The following KAT5 variants were observed in gnomAD, a reference collection of about 807,000 sequenced individuals.
KAT5 encodes the protein histone acetyltransferase KAT5.
A neutral mutation model predicts 68.1 loss-of-function variants in KAT5; 31 were observed. The ratio of observed to expected loss-of-function variants is 0.46; its 90% CI spans 0.34 to 0.61. KAT5 has a LOEUF of 0.61. Ranked by LOEUF, KAT5 falls within the 20% of genes least tolerant of loss-of-function variation. KAT5 has a pLI of 0.01. For missense variants in KAT5, 451 were observed against 725.5 expected, an observed-to-expected ratio of 0.62 and a Z score of 4.35; for synonymous variants, 365 against 292.6, an observed-to-expected ratio of 1.25 and a Z score of -2.52.
chr11:65,719,267 A>C lies in KAT5; in HGVS notation c.*86A>C, dbSNP rs1001622169. ...GCCCCCACTGCAGCTCCCACAAAGC[A>C]CTCTAAGGGAGATGGGGCTGAGGAC... On this transcript the variant is annotated 3_prime_UTR_variant, in exon 13 of 13. Coordinates refer to ENST00000341318, the MANE Select transcript of KAT5 (RefSeq NM_182710.3). 27 of 1,477,468 alleles carry C rather than the reference A, an allele frequency of 1.8e-5. No individual in the cohort carries two copies. The highest frequency in any genetic ancestry group is 2.0e-4 in the Middle Eastern group (1 of 4,964). The allele number at this position is 1,477,468 out of a possible 1,614,324, so 91.5% of individuals were successfully genotyped here.
chr11:65,717,411 C>T (rs552603017), intron 10 of KAT5: 37 of 264,214 alleles, frequency 1.4e-4, no homozygotes, highest in Admixed American at 2.0e-4. Context: ...AGCAGATAGA[C>T]ATAAGCATGT....
Position 65,717,411 on chromosome 11 carries a change from C to G in KAT5, c.1264+429C>G, listed in dbSNP as rs552603017. On this transcript the variant is annotated intron_variant, in intron 10 of 12. Coordinates refer to ENST00000341318, the MANE Select transcript of KAT5 (RefSeq NM_182710.3). ...ATCCAAAATGCTGTCAGCAGATAGA[C>G]ATAAGCATGTTGTCCCTCGCTCCTT... 6.4e-4 allele frequency: 170 copies of G among 264,332 alleles called. 1 individual carries two copies. The South Asian group carries it at 7.7e-3, about 12-fold the overall frequency. The allele number at this position is 264,332 out of a possible 1,614,324, so 16.4% of individuals were successfully genotyped here.
Position 65,713,027 on chromosome 11 carries a change from G to C in KAT5, c.353G>C (p.Gly118Ala). ...ACCCCCACTAAGAACGGACTTCCTG[G>C]GTCCCGTCCTGGCTCTCCAGAGAGA... ...AKTPTKNGLP[G>A]SRPGSPEREV... Residue 118 changes from glycine to alanine, a missense_variant, in exon 3 of 13, where the codon GGG becomes GCG. Gly to Ala is a moderately conservative substitution (Grantham distance 60). Coordinates refer to ENST00000341318, the MANE Select transcript of KAT5 (RefSeq NM_182710.3). 1 of 1,613,496 alleles carries C rather than the reference G, an allele frequency of 6.2e-7. No homozygotes were observed. The highest frequency in any genetic ancestry group is 8.5e-7 in the Non-Finnish European group (1 of 1,180,004).
chr11:65,712,748 T>C lies in KAT5; in HGVS notation c.179-18T>C. 5 of 1,613,690 alleles carry C rather than the reference T, an allele frequency of 3.1e-6. No individual in the cohort carries two copies. The highest frequency in any genetic ancestry group is 4.2e-6 in the Non-Finnish European group (5 of 1,179,684). The stretch of plus-strand genomic sequence containing the variant: ...TAGCCTGGCCTGTCTAAGGCCCCTG[T>C]CTATGCTATTCTCATAGCCCTGGCC... On this transcript the variant is annotated intron_variant, in intron 1 of 12. Transcript: ENST00000341318.
intron 3 of KAT5, 65 bp downstream of exon 3, chr11:65,713,123 G>T (rs1284730636): frequency 6.3e-7 from 1 of 1,595,270 alleles, no homozygotes; most frequent in East Asian, 2.2e-5. Flanking sequence ...GTTGGCATTA[G>T]GAGCTCCTGG....
chr11:65,718,130 C>T (rs1002252797), intron 10 of KAT5: 1 of 156,754 alleles, frequency 6.4e-6, no homozygotes, highest in Admixed American at 6.2e-5. Flanking sequence ...CCACTCAAGT[C>T]TTACAGCAGG....
intron 10 of KAT5, chr11:65,717,774 C>T (rs1857250912): frequency 6.6e-6 from 1 of 152,504 alleles, no homozygotes; most frequent in Admixed American, 6.5e-5. Context: ...CTTGAAGAAA[C>T]TCAGTCTTGG....
chr11:65,713,937 AAAG>A (rs1458299183), intron 6 of KAT5, 89 bp downstream of exon 6: 1 of 1,204,280 alleles, frequency 8.3e-7, no homozygotes, highest in Non-Finnish European at 1.2e-6. Context: ...GTTTAAAAAT[AAAG>A]AAGGGGTGGT....
In KAT5 at chr11:65,714,737, T is replaced by G; in HGVS notation, c.933T>G (p.Arg311=). Residue 311 remains arginine (R), a synonymous_variant, in exon 7 of 13, where the codon CGT becomes CGG. Coordinates refer to ENST00000341318, the MANE Select transcript of KAT5 (RefSeq NM_182710.3). ...KYGRSLKCLQ[R]HLTKCDLRHP... is the part of the protein sequence containing the mutation. ...GCCGTAGTCTCAAGTGTCTTCAGCGTCATTTGGTATGAGGGGTCCAGGGAG... is the reference window on the plus strand; with the variant it reads ...GCCGTAGTCTCAAGTGTCTTCAGCGGCATTTGGTATGAGGGGTCCAGGGAG... The G allele has an allele frequency of 6.2e-7, 1 of 1,614,172 alleles. No individual in the cohort carries two copies. Among genetic ancestry groups the G allele is most frequent in the Non-Finnish European group, 8.5e-7 (1 of 1,180,032 alleles).
intron 8 of KAT5, chr11:65,715,980 C>T (rs959533698): frequency 2.7e-5 from 4 of 148,870 alleles, no homozygotes; most frequent in African/African-American, 7.5e-5. Flanking sequence ...TGCATGATTG[C>T]ACCACTGCAC....
In KAT5 at chr11:65,719,553, C is replaced by G. The variant is rs1025637201; in HGVS notation, c.*372C>G. The G allele has an allele frequency of 9.6e-6, 6 of 622,502 alleles. No homozygotes were observed. Among genetic ancestry groups the G allele is most frequent in the Non-Finnish European group, 1.7e-5 (6 of 354,706 alleles). 38.6% of individuals were successfully genotyped at this position (622,502 alleles called of 1,614,324 possible). A position where few individuals can be genotyped will look rare whatever the true frequency, so the allele number is the denominator to read the frequency against. ...GGGTGGGTGCTGGCTGCAAAAATTTCTGGCTTCTCTTACCCCTATTGCCCC... is the reference window on the plus strand; with the variant it reads ...GGGTGGGTGCTGGCTGCAAAAATTTGTGGCTTCTCTTACCCCTATTGCCCC... On this transcript the variant is annotated 3_prime_UTR_variant, in exon 13 of 13. Coordinates refer to ENST00000341318, the MANE Select transcript of KAT5 (RefSeq NM_182710.3).
intron 6 of KAT5, 46 bp from the exon 7 acceptor site, chr11:65,714,449 C>T: frequency 6.3e-7 from 1 of 1,597,052 alleles, no homozygotes; most frequent in Non-Finnish European, 8.5e-7. Context: ...TGGTGTCCTG[C>T]TGAGCTGTCT....
At position 65,719,326 on chromosome 11, in the gene KAT5, C is replaced by T; in HGVS notation, c.*145C>T. On this transcript the variant is annotated 3_prime_UTR_variant, in exon 13 of 13. Coordinates refer to ENST00000341318, the MANE Select transcript of KAT5 (RefSeq NM_182710.3). ...AAGGAGAGGACAGGCCTGGCAGGGGCCCACTGGTGCCCAGCACCAAGGCGA... is the reference window on the plus strand; with the variant it reads ...AAGGAGAGGACAGGCCTGGCAGGGGTCCACTGGTGCCCAGCACCAAGGCGA... 4.0e-6 allele frequency: 4 copies of T among 992,322 alleles called. No homozygotes were observed. The highest frequency in any genetic ancestry group is 5.8e-6 in the Non-Finnish European group (4 of 692,056). The allele number at this position is 992,322 out of a possible 1,614,324, so 61.5% of individuals were successfully genotyped here.
At chr11:65,712,658 T>G (rs985763142) in intron 1 of KAT5, 108 bp from the exon 2 acceptor site, 6 of 1,385,224 alleles carry the variant, frequency 4.3e-6, no homozygotes, top group Non-Finnish European at 6.1e-6. Flanking sequence ...AGGAGAGACC[T>G]AAGTGCTGGA....
Position 65,712,327 on chromosome 11 carries a change from T to G in KAT5, c.60T>G (p.Gly20=). 1 of 1,498,462 alleles carries G rather than the reference T, an allele frequency of 6.7e-7. No homozygotes were observed. The highest frequency in any genetic ancestry group is 8.8e-7 in the Non-Finnish European group (1 of 1,131,932). 92.8% of individuals were successfully genotyped at this position (1,498,462 alleles called of 1,614,324 possible). The change falls in exon 1 of 13, where the codon GGT becomes GGG. Residue 20 remains glycine, a synonymous_variant. Coordinates refer to ENST00000341318, the MANE Select transcript of KAT5 (RefSeq NM_182710.3). ...GAGRREPGEV[G]RARGPPVADP... ...GGCGGAGGGAGCCAGGGGAGGTGGG[T>G]AGAGCCCGAGGCCCCCCAGTAGCCG... is the stretch of plus-strand genomic sequence containing the variant.
In KAT5 at chr11:65,716,880, C is replaced by A. The variant is rs1565210013; in HGVS notation, c.1171-9C>A. 1 of 1,613,638 alleles carries A rather than the reference C, an allele frequency of 6.2e-7. No individual in the cohort carries two copies. The highest frequency in any genetic ancestry group is 2.2e-5 in the East Asian group (1 of 44,880). ...CCTTCCCTGACACTCACCTGTCCCC[C>A]TTCTCCAGGAGAAAGAATCAACGGA... On this transcript the variant is annotated splice_polypyrimidine_tract_variant and intron_variant, in intron 9 of 12. Transcript: ENST00000341318.
Position 65,713,587 on chromosome 11 carries a change from C to G in KAT5, c.541-6C>G. ...CTGACCCACCTTTGTTGGTTTCTCT[C>G]TGCAGAAACGGAAGGTGGAGGTGGT... is the stretch of plus-strand genomic sequence containing the variant. On this transcript the variant is annotated splice_polypyrimidine_tract_variant and splice_region_variant and intron_variant, in intron 4 of 12. Transcript: ENST00000341318. 1 of 1,614,220 alleles carries G rather than the reference C, an allele frequency of 6.2e-7. No homozygotes were observed. Among genetic ancestry groups the G allele is most frequent in the Non-Finnish European group, 8.5e-7 (1 of 1,180,030 alleles).
chr11:65,716,572 C>A (rs1857202799), intron 8 of KAT5, 95 bp from the exon 9 acceptor site: 2 of 1,200,548 alleles, frequency 1.7e-6, no homozygotes, highest in South Asian at 1.3e-5. Flanking sequence ...CAGCCTGGGG[C>A]ATAGCACGAA....
chr11:65,717,083 C>A (rs953466591), intron 10 of KAT5, 101 bp downstream of exon 10: 8 of 971,470 alleles, frequency 8.2e-6, no homozygotes, highest in East Asian at 2.4e-5. Flanking sequence ...GCTGTGCAGC[C>A]CAGCCTCTAG....
Sources: allele counts gnomAD v4.1 joint callset, GRCh38; gene constraint gnomAD v4.1.1; transcripts MANE v1.5; gene names NCBI Gene and HGNC (gene_info 2026-07-23, HGNC 2026-07-21).